RALGAPA2: variants seen among roughly 807,000 people sequenced by gnomAD.
The protein encoded by RALGAPA2 is Ral GTPase activating protein catalytic subunit alpha 2.
RALGAPA2 carries 139 observed loss-of-function variants against 230.4 expected under a neutral mutation model. The ratio of observed to expected loss-of-function variants is 0.60; its 90% CI spans 0.53 to 0.69. RALGAPA2 has a LOEUF of 0.69. Ranked by LOEUF, RALGAPA2 falls within the 30% of genes least tolerant of loss-of-function variation. RALGAPA2 has a pLI of 0.00. For missense variants in RALGAPA2, 2,163 were observed against 2,276.0 expected (o/e 0.95, Z 1.01); for synonymous variants, 847 against 837.8 (o/e 1.01, Z -0.19).
intron 9 of RALGAPA2, among the ~76,000 whole-genome samples, chr20:20,632,992 C>G (rs2066729929): frequency 6.6e-6 from 1 of 151,780 alleles, no homozygotes; most frequent in South Asian, 2.1e-4. Flanking sequence ...CTCATTTCTT[C>G]CACGGCTACT....
chr20:20,454,341 C>G (rs1193213205), intron 37 of RALGAPA2, among the ~76,000 whole-genome samples: 1 of 152,208 alleles, frequency 6.6e-6, no homozygotes, highest in Non-Finnish European at 1.5e-5. Context: ...AACCAGTCCT[C>G]TCTGACCGGC....
chr20:20,508,960 A>C (rs936103121), intron 33 of RALGAPA2, among the ~76,000 whole-genome samples: 5 of 152,228 alleles, frequency 3.3e-5, no homozygotes, highest in Non-Finnish European at 5.9e-5. Context: ...GAGCTAATTC[A>C]ATTGTACCTC....
chr20:20,497,391 A>T (rs1204591802), intron 35 of RALGAPA2, among the ~76,000 whole-genome samples: 1 of 152,176 alleles, frequency 6.6e-6, no homozygotes, highest in East Asian at 1.9e-4. Flanking sequence ...TGCAGAAAGT[A>T]ATTGTGAGAA....
intron 21 of RALGAPA2, 52 bp from the exon 22 acceptor site, chr20:20,571,998 A>G: frequency 7.9e-7 from 1 of 1,267,668 alleles, no homozygotes; most frequent in South Asian, 1.3e-5. Context: ...GTTTATCCCA[A>G]CAGTATTTCA....
At chr20:20,648,807 AG>A (rs2067301411) in intron 4 of RALGAPA2, among the ~76,000 whole-genome samples, 1 of 152,176 alleles carries the variant, frequency 6.6e-6, no homozygotes, top group Non-Finnish European at 1.5e-5. Flanking sequence ...AAAGGGACAG[AG>A]GTTTCCACAG....
intron 37 of RALGAPA2, among the ~76,000 whole-genome samples, chr20:20,465,197 A>ACT (rs1556066775): frequency 3.1e-4 from 46 of 147,444 alleles, no homozygotes; most frequent in African/African-American, 9.1e-4. Flanking sequence ...ACACACACAC[A>ACT]CTCTCTCATA....
chr20:20,394,941 C>G (rs1424813665), intron 39 of RALGAPA2, among the ~76,000 whole-genome samples: 1 of 141,332 alleles, frequency 7.1e-6, no homozygotes, highest in African/African-American at 2.6e-5. Context: ...AAAGTGAGAT[C>G]CAAAGAGAAA....
At chr20:20,480,619 T>G (rs2061752160) in intron 36 of RALGAPA2, among the ~76,000 whole-genome samples, 1 of 152,162 alleles carries the variant, frequency 6.6e-6, no homozygotes. Context: ...CACTGGACAC[T>G]GAGGCAGTAA....
At chr20:20,663,195 G>A (rs2067840514) in intron 3 of RALGAPA2, among the ~76,000 whole-genome samples, 1 of 152,158 alleles carries the variant, frequency 6.6e-6, no homozygotes, top group African/African-American at 2.4e-5. Flanking sequence ...CTGAGGCTCT[G>A]AACAAAGTCT....
intron 23 of RALGAPA2, among the ~76,000 whole-genome samples, chr20:20,563,495 C>T (rs1304704256): frequency 6.6e-6 from 1 of 152,128 alleles, no homozygotes; most frequent in Non-Finnish European, 1.5e-5. Flanking sequence ...GAGAAAATGT[C>T]CCTGGAAATC....
intron 36 of RALGAPA2, among the ~76,000 whole-genome samples, chr20:20,482,604 A>T (rs1474968080): frequency 6.6e-6 from 1 of 152,204 alleles, no homozygotes; most frequent in Non-Finnish European, 1.5e-5. Flanking sequence ...GCTGGTTTGT[A>T]TGAATGCTGT....
At chr20:20,708,863 G>C (rs1383075995) in intron 1 of RALGAPA2, among the ~76,000 whole-genome samples, 6 of 151,998 alleles carry the variant, frequency 3.9e-5, no homozygotes, top group African/African-American at 1.5e-4. Context: ...TCCTAATTTA[G>C]GACTCATAGT....
At chr20:20,605,055 A>C in intron 15 of RALGAPA2, 120 bp downstream of exon 15, 2 of 757,526 alleles carry the variant, frequency 2.6e-6, no homozygotes, top group Non-Finnish European at 2.2e-6. Flanking sequence ...ACTATTAAGA[A>C]GACACTGTGT....
At chr20:20,668,870 A>C (rs554830959) in intron 3 of RALGAPA2, among the ~76,000 whole-genome samples, 1 of 152,208 alleles carries the variant, frequency 6.6e-6, no homozygotes, top group Non-Finnish European at 1.5e-5. Flanking sequence ...ACTTCCACAG[A>C]GTAACCACAA....
At chr20:20,395,963 C>T (rs1295569444) in intron 39 of RALGAPA2, among the ~76,000 whole-genome samples, 3 of 152,212 alleles carry the variant, frequency 2.0e-5, no homozygotes, top group African/African-American at 4.8e-5. Context: ...ACCAACTGCT[C>T]GCCTTCCGCC....
At chr20:20,550,883 T>C (rs2063905079) in intron 23 of RALGAPA2, among the ~76,000 whole-genome samples, 1 of 152,268 alleles carries the variant, frequency 6.6e-6, no homozygotes, top group Non-Finnish European at 1.5e-5. Context: ...AGTTTTACTT[T>C]GTAAAATTTA....
In RALGAPA2 at chr20:20,392,825, T is replaced by C. The variant is rs1404796602; in HGVS notation, c.*464A>G. The C allele has an allele frequency of 2.2e-5, 5 of 227,194 alleles. No individual in the cohort carries two copies. The highest frequency in any genetic ancestry group is 4.5e-5 in the Non-Finnish European group (5 of 112,086). 14.1% of individuals were successfully genotyped at this position (227,194 alleles called of 1,614,324 possible). On this transcript the variant is annotated 3_prime_UTR_variant, in exon 40 of 40. Coordinates refer to ENST00000202677, the MANE Select transcript of RALGAPA2 (RefSeq NM_020343.4). ...TGCCAGCCCCTTTGTGAATCATGCT[T>C]GGGTTCATAAATGAGAAGAAACAAC... is the stretch of plus-strand genomic sequence containing the variant.
chr20:20,573,758 C>T (rs976130439), intron 20 of RALGAPA2, among the ~76,000 whole-genome samples: 3 of 152,168 alleles, frequency 2.0e-5, no homozygotes, highest in African/African-American at 4.8e-5. Context: ...TTCATCTGTA[C>T]AGTTGTGGGT....
intron 20 of RALGAPA2, among the ~76,000 whole-genome samples, chr20:20,579,810 T>G (rs1169448026): frequency 2.0e-5 from 3 of 152,182 alleles, no homozygotes; most frequent in Non-Finnish European, 2.9e-5. Context: ...CAGAAATGTG[T>G]TGAACAATAC....
Sources: gnomAD v4.1 joint callset for allele counts (sites outside exome capture counted in the v4.1 genomes callset) on GRCh38, gnomAD v4.1.1 for gene constraint, MANE v1.5 for transcripts, NCBI Gene and HGNC (gene_info 2026-07-23, HGNC 2026-07-21) for gene names.